Variants in STK31 observed in about 807,000 individuals in gnomAD.
STK31 encodes the protein serine/threonine kinase 31, also known as serine/threonine-protein kinase 31.
A neutral mutation model predicts 129.7 loss-of-function variants in STK31; 89 were observed. The ratio of observed to expected loss-of-function variants is 0.69; its 90% CI spans 0.58 to 0.82. The LOEUF is 0.82. STK31 is among the 40% of genes least tolerant of loss of function. STK31 has a pLI of 0.00. For synonymous variants in STK31, 448 were observed against 395.3 expected (o/e 1.13, Z -1.58); for missense variants, 1,187 against 1,176.4 (o/e 1.01, Z -0.13).
intron 22 of STK31, among the ~76,000 whole-genome samples, chr7:23,801,820 T>G (rs190816159): frequency 3.2e-4 from 49 of 152,258 alleles, no homozygotes; most frequent in Non-Finnish European, 6.9e-4. Flanking sequence ...GAATTGTCTT[T>G]GTATCTTTGT....
intron 3 of STK31, 39 bp from the exon 4 acceptor site, chr7:23,717,442 A>C: frequency 7.2e-7 from 1 of 1,388,292 alleles, no homozygotes; most frequent in Non-Finnish European, 1.0e-6. Context: ...CTGTAAAATA[A>C]TATTTTACTG....
intron 22 of STK31, among the ~76,000 whole-genome samples, chr7:23,808,201 A>G (rs1161312855): frequency 9.3e-5 from 14 of 151,152 alleles, no homozygotes; most frequent in Non-Finnish European, 1.9e-4. Flanking sequence ...GTTTAGGTAT[A>G]GTATGCAGTT....
At chr7:23,781,305 G>A in intron 15 of STK31, 114 bp from the exon 16 acceptor site, 3 of 703,538 alleles carry the variant, frequency 4.3e-6, no homozygotes, top group Non-Finnish European at 7.3e-6. Context: ...TATGTGCTAG[G>A]TACTGAAGGA....
At chr7:23,732,265 A>G (rs77648289) in intron 6 of STK31, among the ~76,000 whole-genome samples, 2 of 150,016 alleles carry the variant, frequency 1.3e-5, no homozygotes, top group East Asian at 2.0e-4. Context: ...ACCCTGTCTG[A>G]AAAAAAAAAG....
At chr7:23,747,980 T>A (rs1379698907) in intron 8 of STK31, among the ~76,000 whole-genome samples, 1 of 152,198 alleles carries the variant, frequency 6.6e-6, no homozygotes, top group African/African-American at 2.4e-5. Context: ...TATACTTTCC[T>A]ATTTTTGCAT....
chr7:23,770,724 G>C (rs1188833467), intron 13 of STK31, among the ~76,000 whole-genome samples: 2 of 152,080 alleles, frequency 1.3e-5, no homozygotes, highest in Non-Finnish European at 2.9e-5. Context: ...CCCTGCCTCA[G>C]CCTCCCTTGT....
intron 8 of STK31, among the ~76,000 whole-genome samples, chr7:23,746,079 G>A (rs985244790): frequency 1.3e-5 from 2 of 152,234 alleles, no homozygotes; most frequent in African/African-American, 4.8e-5. Context: ...TTGTGGAGTT[G>A]TAGGGGATGT....
At chr7:23,741,840 A>AG (rs1283401055) in intron 8 of STK31, among the ~76,000 whole-genome samples, 5 of 152,166 alleles carry the variant, frequency 3.3e-5, no homozygotes, top group Non-Finnish European at 7.4e-5. Context: ...AGGTGTGCAT[A>AG]GGAGAGCCTG....
At chr7:23,766,348 T>C (rs1192139142) in intron 11 of STK31, among the ~76,000 whole-genome samples, 13 of 152,142 alleles carry the variant, frequency 8.5e-5, no homozygotes, top group African/African-American at 3.1e-4. Flanking sequence ...CTGCAACCTC[T>C]GGCTCCTGGG....
intron 13 of STK31, among the ~76,000 whole-genome samples, chr7:23,770,316 G>A (rs1790102946): frequency 6.6e-6 from 1 of 152,030 alleles, no homozygotes. Flanking sequence ...TCAGTGGTTA[G>A]GCTTCTCATT....
At position 23,787,975 on chromosome 7, in the gene STK31, T is replaced by G. The variant is rs185861418; in HGVS notation, c.2488-5T>G. On this transcript the variant is annotated splice_region_variant and splice_polypyrimidine_tract_variant and intron_variant, in intron 20 of 23. Transcript: ENST00000355870. ...CTCACTTCTTTTATGTGTACTTATC[T>G]ATAGGAAACTTTAAAGGTCATGAAA... is the stretch of plus-strand genomic sequence containing the variant. The G allele has an allele frequency of 8.7e-5, 135 of 1,544,670 alleles. No individual in the cohort carries two copies. Among genetic ancestry groups the G allele is most frequent in the East Asian group, 3.3e-4 (14 of 42,930 alleles).
intron 15 of STK31, among the ~76,000 whole-genome samples, chr7:23,778,472 C>A (rs1220854950): frequency 1.3e-5 from 2 of 152,136 alleles, no homozygotes; most frequent in Non-Finnish European, 2.9e-5. Flanking sequence ...TTCAGGTACA[C>A]CAGTCAAACG....
At chr7:23,756,558 T>A (rs1789096072) in intron 10 of STK31, among the ~76,000 whole-genome samples, 1 of 152,166 alleles carries the variant, frequency 6.6e-6, no homozygotes, top group Non-Finnish European at 1.5e-5. Context: ...AGAGAGGGAA[T>A]CGTTGTCTTG....
Position 23,762,790 on chromosome 7 carries a change from T to C in STK31, c.1294-11T>C, listed in dbSNP as rs1241038415. On this transcript the variant is annotated splice_polypyrimidine_tract_variant and intron_variant, in intron 10 of 23. Transcript: ENST00000355870. ...GTATTAATGATGGTTATTCTTTTTTTCTTCCTCCAGAGTGAAGGGAATATT... is the reference window on the plus strand; with the variant it reads ...GTATTAATGATGGTTATTCTTTTTTCCTTCCTCCAGAGTGAAGGGAATATT... The C allele has an allele frequency of 3.7e-6, 6 of 1,608,406 alleles. No homozygotes were observed. Among genetic ancestry groups the C allele is most frequent in the Non-Finnish European group, 5.1e-6 (6 of 1,178,426 alleles).
In STK31 at chr7:23,752,836, G is replaced by A. The variant is rs1788799605; in HGVS notation, c.1133+4G>A. ...TGGAAATACTGAAAGAAATGAGGTA[G>A]GTAAAAGCATATTTTTCAGAAGGAT... On this transcript the variant is annotated splice_donor_region_variant and intron_variant, in intron 9 of 23. Transcript: ENST00000355870. 2 of 1,553,798 alleles carry A rather than the reference G, an allele frequency of 1.3e-6. No individual in the cohort carries two copies. The highest frequency in any genetic ancestry group is 1.7e-5 in the Admixed American group (1 of 57,896).
At chr7:23,824,791 A>G (rs1225297856) in intron 23 of STK31, among the ~76,000 whole-genome samples, 1 of 151,524 alleles carries the variant, frequency 6.6e-6, no homozygotes, top group East Asian at 1.9e-4. Flanking sequence ...TAATTTATTG[A>G]GAGTCTTTAG....
intron 6 of STK31, among the ~76,000 whole-genome samples, chr7:23,730,876 A>ATTTT (rs1490417846): frequency 3.3e-5 from 2 of 59,980 alleles, no homozygotes; most frequent in Non-Finnish European, 6.8e-5. Flanking sequence ...ATATATATAT[A>ATTTT]TATTTTTTTT....
intron 14 of STK31, 65 bp from the exon 15 acceptor site, chr7:23,772,082 A>G: frequency 2.5e-6 from 3 of 1,202,710 alleles, no homozygotes; most frequent in Non-Finnish European, 3.4e-6. Flanking sequence ...AGAAATAATA[A>G]ATGATCACTG....
intron 4 of STK31, among the ~76,000 whole-genome samples, chr7:23,726,668 ATTC>A: frequency 6.6e-6 from 1 of 151,962 alleles, no homozygotes; most frequent in East Asian, 1.9e-4. Flanking sequence ...TTTTCTCTTT[ATTC>A]TTTTATTAAA....
Sources: gnomAD v4.1 joint callset for allele counts (sites outside exome capture counted in the v4.1 genomes callset) on GRCh38, gnomAD v4.1.1 for gene constraint, MANE v1.5 for transcripts, NCBI Gene and HGNC (gene_info 2026-07-23, HGNC 2026-07-21) for gene names.